Variants in DEPTOR observed in about 807,000 individuals in gnomAD.
The protein encoded by DEPTOR is DEP domain containing MTOR interacting protein.
Under a neutral mutation model 41.6 loss-of-function variants are expected in DEPTOR, and 41 were observed. The ratio of observed to expected loss-of-function variants is 0.98; its 90% confidence interval spans 0.77 to 1.28. The LOEUF is 1.28. DEPTOR is among the 50% of genes most tolerant of loss of function. The pLI, the probability that DEPTOR is intolerant of heterozygous loss-of-function variation, is 0.00. For synonymous variants in DEPTOR, 195 were observed against 192.3 expected (o/e 1.01, Z -0.12); for missense variants, 514 against 527.9 (o/e 0.97, Z 0.26).
chr8:119,957,571 A>AT (rs33977088), intron 3 of DEPTOR, among the ~76,000 whole-genome samples: 103,914 of 147,122 alleles, frequency 0.71, 37,158 homozygotes, highest in Middle Eastern at 0.83. Context: ...GGGTCCTTCT[A>AT]TTTTTTTTTT....
Position 120,049,634 on chromosome 8 carries a change from C to T in DEPTOR, c.1160C>T (p.Thr387Ile). The change falls in exon 9 of 9, where the codon ACC becomes ATC. Residue 387 changes from threonine to isoleucine, a missense_variant. Physicochemically the swap from Thr to Ile is moderately conservative, Grantham distance 89 (BLOSUM62 -1). Transcript: ENST00000286234. The stretch of plus-strand genomic sequence containing the variant: ...AATGTCCTGCATGTAGACTACCGGA[C>T]CGTGAGCAATCTGATTCTGACGGGC... ...GLNVLHVDYR[T>I]VSNLILTGPR... 6.2e-7 allele frequency: 1 copy of T among 1,614,028 alleles called. No individual in the cohort carries two copies. Among genetic ancestry groups the T allele is most frequent in the Non-Finnish European group, 8.5e-7 (1 of 1,179,954 alleles).
intron 8 of DEPTOR, among the ~76,000 whole-genome samples, chr8:120,035,798 C>G (rs190164242): frequency 6.6e-6 from 1 of 152,224 alleles, no homozygotes; most frequent in South Asian, 2.1e-4. Context: ...TCCCAAAGTG[C>G]TGGGATTACA....
intron 4 of DEPTOR, among the ~76,000 whole-genome samples, chr8:119,992,532 C>G (rs569496665): frequency 6.6e-6 from 1 of 152,034 alleles, no homozygotes; most frequent in East Asian, 1.9e-4. Context: ...ATGGTGCTAT[C>G]GTAGTGCTGG....
Position 119,873,826 on chromosome 8 carries a change from T to A in DEPTOR, c.-21T>A, listed in dbSNP as rs769519905. 13 of 1,608,552 alleles carry A rather than the reference T, an allele frequency of 8.1e-6. No individual in the cohort carries two copies. The highest frequency in any genetic ancestry group is 1.1e-5 in the Non-Finnish European group (13 of 1,177,464). On this transcript the variant is annotated 5_prime_UTR_variant, in exon 1 of 9. Transcript: ENST00000286234. The stretch of plus-strand genomic sequence containing the variant: ...CCTCGGCGGACAGCGGAGCCAGTGG[T>A]AGCCGCACGGCCCTAAAACCATGGA...
At chr8:120,039,866 A>T (rs954122715) in intron 8 of DEPTOR, among the ~76,000 whole-genome samples, 4 of 152,068 alleles carry the variant, frequency 2.6e-5, no homozygotes, top group African/African-American at 9.7e-5. Flanking sequence ...GTTTTTTGAG[A>T]CAGAGTCTCG....
intron 3 of DEPTOR, among the ~76,000 whole-genome samples, chr8:119,946,222 C>A (rs763457430): frequency 6.6e-6 from 1 of 151,992 alleles, no homozygotes; most frequent in Non-Finnish European, 1.5e-5. Flanking sequence ...ATTTCAGACC[C>A]CCTAACAAAA....
chr8:119,877,389 G>A (rs80032149), intron 1 of DEPTOR, among the ~76,000 whole-genome samples: 4,128 of 152,304 alleles, frequency 0.027, 103 homozygotes, highest in African/African-American at 0.065. Context: ...TAAAGCGGTC[G>A]TATGCCTGGT....
chr8:120,002,942 C>G (rs1226873950), intron 5 of DEPTOR, 35 bp from the exon 6 acceptor site: 6 of 1,547,258 alleles, frequency 3.9e-6, no homozygotes, highest in Admixed American at 3.9e-5. Context: ...GAGACCACCC[C>G]CTTGGTGACT....
intron 3 of DEPTOR, among the ~76,000 whole-genome samples, chr8:119,950,068 G>A (rs1016829470): frequency 1.3e-5 from 2 of 152,134 alleles, no homozygotes; most frequent in African/African-American, 2.4e-5. Flanking sequence ...ATGAGGTTAA[G>A]GATCCAACTT....
intron 1 of DEPTOR, among the ~76,000 whole-genome samples, chr8:119,897,438 C>G (rs989778568): frequency 4.6e-5 from 7 of 152,088 alleles, no homozygotes; most frequent in Admixed American, 2.6e-4. Flanking sequence ...GAGGCTGAGG[C>G]AGGCGAATCA....
intron 1 of DEPTOR, among the ~76,000 whole-genome samples, 186 bp from the exon 2 acceptor site, chr8:119,928,211 GATC>G (rs751058820): frequency 2.9e-4 from 44 of 152,098 alleles, no homozygotes; most frequent in Non-Finnish European, 3.5e-4. Context: ...CTGTCATCTA[GATC>G]AGAGGCTGGA....
At chr8:120,024,279 T>A (rs955512284) in intron 8 of DEPTOR, among the ~76,000 whole-genome samples, 1 of 152,008 alleles carries the variant, frequency 6.6e-6, no homozygotes, top group Non-Finnish European at 1.5e-5. Flanking sequence ...CCTCTGGAAG[T>A]GGCACACATG....
intron 1 of DEPTOR, among the ~76,000 whole-genome samples, chr8:119,884,867 T>C (rs1433920614): frequency 6.6e-6 from 1 of 151,686 alleles, no homozygotes; most frequent in Non-Finnish European, 1.5e-5. Context: ...CCTCCGCTTC[T>C]AAGGTTCAAG....
chr8:119,972,301 T>A (rs1488149808), intron 4 of DEPTOR, among the ~76,000 whole-genome samples: 6 of 152,222 alleles, frequency 3.9e-5, no homozygotes, highest in Middle Eastern at 3.2e-3. Context: ...GGTATCATAA[T>A]CATTCTCATT....
intron 3 of DEPTOR, among the ~76,000 whole-genome samples, chr8:119,945,528 C>T (rs1437292652): frequency 6.6e-6 from 1 of 152,204 alleles, no homozygotes; most frequent in African/African-American, 2.4e-5. Context: ...TTCAATACTC[C>T]ATTTGCTAAA....
chr8:120,049,505 C>G lies in DEPTOR; in HGVS notation c.1102-71C>G, dbSNP rs1262610576. 3.9e-5 allele frequency: 60 copies of G among 1,556,396 alleles called. No homozygotes were observed. The Admixed American group carries it at 1.1e-3, about 28-fold the overall frequency. On this transcript the variant is annotated intron_variant, in intron 8 of 8. Coordinates refer to ENST00000286234, the MANE Select transcript of DEPTOR (RefSeq NM_022783.4). The stretch of plus-strand genomic sequence containing the variant: ...TGAAGTTACCTGTTAGGGCTACACA[C>G]TGTCTTTATTAAAGCTTTGTGCAAA...
intron 4 of DEPTOR, among the ~76,000 whole-genome samples, chr8:119,988,671 T>TGG (rs1482691120): frequency 6.6e-6 from 1 of 152,048 alleles, no homozygotes; most frequent in African/African-American, 2.4e-5. Flanking sequence ...TTAGTAGAGA[T>TGG]GGGGTTTCAC....
chr8:120,004,157 T>A (rs1361454941), intron 6 of DEPTOR, among the ~76,000 whole-genome samples: 1 of 152,226 alleles, frequency 6.6e-6, no homozygotes, highest in Non-Finnish European at 1.5e-5. Flanking sequence ...TTAGTAAGAA[T>A]AAGCACTAAT....
chr8:120,032,202 A>G (rs940135270), intron 8 of DEPTOR, among the ~76,000 whole-genome samples: 1 of 134,826 alleles, frequency 7.4e-6, no homozygotes, highest in African/African-American at 2.8e-5. Flanking sequence ...CTAATATGAC[A>G]CTAACTTTCT....
Sources: allele counts gnomAD v4.1 joint callset (sites outside exome capture counted in the v4.1 genomes callset), GRCh38; gene constraint gnomAD v4.1.1; transcripts MANE v1.5; gene names NCBI Gene and HGNC (gene_info 2026-07-23, HGNC 2026-07-21).